Variants in FHIT observed in about 807,000 individuals in gnomAD.
FHIT encodes bis(5'-adenosyl)-triphosphatase.
Under a neutral mutation model 17.9 loss-of-function variants are expected in FHIT, and 19 were observed. The ratio of observed to expected loss-of-function variants is 1.06; its 90% CI spans 0.74 to 1.56. The LOEUF (loss-of-function observed/expected upper bound fraction) is 1.56. Among genes scored for constraint, FHIT ranks in the 40% most tolerant of loss-of-function variants. The pLI is 0.00. For missense variants in FHIT, 248 were observed against 189.2 expected (o/e 1.31, Z -1.82); for synonymous variants, 81 against 69.7 (o/e 1.16, Z -0.81).
intron 8 of FHIT, among the ~76,000 whole-genome samples, chr3:59,845,514 T>C (rs1701686691): frequency 6.6e-6 from 1 of 152,124 alleles, no homozygotes; most frequent in African/African-American, 2.4e-5. Context: ...TAATTCCCCT[T>C]GTGTTTTCTT....
chr3:60,952,886 C>T (rs1192938385), intron 3 of FHIT, among the ~76,000 whole-genome samples: 1 of 152,212 alleles, frequency 6.6e-6, no homozygotes, highest in Non-Finnish European at 1.5e-5. Context: ...ATAAAACCAT[C>T]TAGGTTTTGC....
At chr3:59,772,048 G>A (rs1702096765) in intron 8 of FHIT, among the ~76,000 whole-genome samples, 3 of 152,130 alleles carry the variant, frequency 2.0e-5, no homozygotes, top group Non-Finnish European at 2.9e-5. Context: ...ACATGCACTC[G>A]CACAACCTTG....
intron 3 of FHIT, among the ~76,000 whole-genome samples, chr3:60,851,803 A>G (rs1553748445): frequency 6.6e-6 from 1 of 152,176 alleles, no homozygotes; most frequent in Non-Finnish European, 1.5e-5. Context: ...TTAAAAAATC[A>G]AAATAAAACA....
chr3:59,767,719 A>C (rs1701873378), intron 8 of FHIT, among the ~76,000 whole-genome samples: 1 of 152,090 alleles, frequency 6.6e-6, no homozygotes, highest in Non-Finnish European at 1.5e-5. Flanking sequence ...ACATGATCTC[A>C]TTTACTCTTC....
intron 3 of FHIT, among the ~76,000 whole-genome samples, chr3:60,933,836 C>G (rs1708072772): frequency 6.6e-6 from 1 of 152,174 alleles, no homozygotes; most frequent in Non-Finnish European, 1.5e-5. Context: ...AGCTACCTAT[C>G]TTCAGCCCTC....
intron 4 of FHIT, among the ~76,000 whole-genome samples, chr3:60,575,706 C>T (rs2037540866): frequency 6.6e-6 from 1 of 152,154 alleles, no homozygotes; most frequent in African/African-American, 2.4e-5. Flanking sequence ...GATGCAAGAA[C>T]ATACTGCTCC....
chr3:61,089,256 T>C (rs1275914884), intron 2 of FHIT, among the ~76,000 whole-genome samples: 1 of 152,238 alleles, frequency 6.6e-6, no homozygotes, highest in East Asian at 1.9e-4. Context: ...TTTACTATTT[T>C]AACCATTTTT....
chr3:61,222,740 G>A (rs1003540450), intron 1 of FHIT, among the ~76,000 whole-genome samples: 13 of 152,234 alleles, frequency 8.5e-5, no homozygotes, highest in South Asian at 2.1e-4. Context: ...ACTTCAGTCC[G>A]GCAACTCTGA....
At chr3:60,367,250 AC>A (rs1179335137) in intron 5 of FHIT, among the ~76,000 whole-genome samples, 5 of 152,200 alleles carry the variant, frequency 3.3e-5, no homozygotes, top group Non-Finnish European at 7.3e-5. Context: ...GGACATTCAA[AC>A]CCAAATGAAT....
At chr3:60,408,543 A>C (rs915889553) in intron 5 of FHIT, among the ~76,000 whole-genome samples, 4 of 152,192 alleles carry the variant, frequency 2.6e-5, no homozygotes, top group African/African-American at 9.6e-5. Context: ...AAAAAGAAGA[A>C]AGGAAAAAGA....
intron 5 of FHIT, among the ~76,000 whole-genome samples, chr3:60,315,006 A>G (rs1242956063): frequency 6.6e-6 from 1 of 152,164 alleles, no homozygotes; most frequent in African/African-American, 2.4e-5. Context: ...CTCTTCAAAC[A>G]CTAGCTTTCA....
In FHIT at chr3:59,929,642, T is replaced by C. The variant is rs560437350; in HGVS notation, c.280-7228A>G. 1.1e-3 allele frequency among the ~76,000 whole-genome samples: 169 copies of C among 152,202 alleles called. 3 individuals carry two copies. In the South Asian group the frequency reaches 0.035, roughly 31 times the overall value. ...ATGCCCAGCATCTATTGTTCTATGTTTGTATAATCACCAACAGCTCTCAAC... is the reference window on the plus strand; with the variant it reads ...ATGCCCAGCATCTATTGTTCTATGTCTGTATAATCACCAACAGCTCTCAAC... On this transcript the variant is annotated intron_variant, in intron 7 of 9. Transcript: ENST00000492590.
chr3:60,464,081 C>A (rs752363273), intron 5 of FHIT, among the ~76,000 whole-genome samples: 23 of 152,094 alleles, frequency 1.5e-4, no homozygotes, highest in Admixed American at 3.3e-4. Context: ...TGTGAAAAAA[C>A]AGAAGTAAAC....
At chr3:60,892,304 G>A (rs1331202407) in intron 3 of FHIT, among the ~76,000 whole-genome samples, 1 of 152,002 alleles carries the variant, frequency 6.6e-6, no homozygotes, top group Non-Finnish European at 1.5e-5. Flanking sequence ...CCCCTGGAAG[G>A]CACTGCCATT....
intron 5 of FHIT, among the ~76,000 whole-genome samples, chr3:60,233,279 C>A (rs1704596405): frequency 6.6e-6 from 1 of 152,146 alleles, no homozygotes; most frequent in Admixed American, 6.5e-5. Flanking sequence ...CCTGGCAATC[C>A]ATGATTTTAT....
At chr3:60,230,605 A>G (rs1295978734) in intron 5 of FHIT, among the ~76,000 whole-genome samples, 1 of 152,206 alleles carries the variant, frequency 6.6e-6, no homozygotes, top group East Asian at 1.9e-4. Flanking sequence ...CTTGAAAAGA[A>G]AAGTTCAGGA....
At chr3:60,212,160 G>T (rs570562528) in intron 5 of FHIT, among the ~76,000 whole-genome samples, 1 of 152,172 alleles carries the variant, frequency 6.6e-6, no homozygotes, top group Non-Finnish European at 1.5e-5. Flanking sequence ...AACTTGCATT[G>T]TATTTCTAGC....
chr3:60,992,483 A>G (rs1434448375), intron 3 of FHIT, among the ~76,000 whole-genome samples: 1 of 152,250 alleles, frequency 6.6e-6, no homozygotes, highest in African/African-American at 2.4e-5. Context: ...CAGGAAAACG[A>G]TGACCTCAGG....
chr3:60,566,585 C>T (rs531127807), intron 4 of FHIT, among the ~76,000 whole-genome samples: 4 of 152,112 alleles, frequency 2.6e-5, no homozygotes, highest in East Asian at 1.9e-4. Context: ...TCCTATTCAA[C>T]ATAGTGTTGG....
Sources: gnomAD v4.1 joint callset for allele counts (sites outside exome capture counted in the v4.1 genomes callset) on GRCh38, gnomAD v4.1.1 for gene constraint, MANE v1.5 for transcripts, NCBI Gene and HGNC (gene_info 2026-07-23, HGNC 2026-07-21) for gene names.